The following PHF14 variants were observed in gnomAD, a reference collection of about 807,000 sequenced individuals.
PHF14 encodes PHD finger protein 14.
In PHF14, 55 loss-of-function variants were observed where a neutral mutation model predicts 117.9. The ratio of observed to expected loss-of-function variants is 0.47; its 90% CI spans 0.38 to 0.58. PHF14 has a LOEUF of 0.58. Ranked by LOEUF, PHF14 falls within the 20% of genes least tolerant of loss-of-function variation. PHF14 has a pLI of 0.00. For synonymous variants in PHF14, 409 were observed against 368.6 expected (o/e 1.11, Z -1.26); for missense variants, 978 against 1,122.2 (o/e 0.87, Z 1.84).
intron 16 of PHF14, chr7:11,106,075 G>C: frequency 1.0e-6 from 1 of 983,156 alleles, no homozygotes; most frequent in Non-Finnish European, 1.2e-6. Context: ...CTTCTCTCAT[G>C]CTGTGAAGAG....
At chr7:11,163,750 G>T (rs958251443) in intron 17 of PHF14, among the ~76,000 whole-genome samples, 5 of 152,062 alleles carry the variant, frequency 3.3e-5, no homozygotes, top group African/African-American at 2.4e-5. Flanking sequence ...TTTCTTCATT[G>T]TGCAGCACTA....
At chr7:11,089,079 A>G (rs988172243) in intron 16 of PHF14, among the ~76,000 whole-genome samples, 5 of 151,630 alleles carry the variant, frequency 3.3e-5, no homozygotes, top group African/African-American at 4.9e-5. Flanking sequence ...AGACAGACAC[A>G]AAGATTAATT....
At chr7:10,983,985 A>C (rs1562561098) in intron 3 of PHF14, among the ~76,000 whole-genome samples, 2 of 152,148 alleles carry the variant, frequency 1.3e-5, no homozygotes. Context: ...AGAAAGATTG[A>C]GTTGTTGTCT....
chr7:11,035,276 C>T (rs904594906), intron 7 of PHF14, among the ~76,000 whole-genome samples: 1 of 152,084 alleles, frequency 6.6e-6, no homozygotes, highest in African/African-American at 2.4e-5. Context: ...CACCATTTAA[C>T]ATAAGACGCT....
intron 16 of PHF14, among the ~76,000 whole-genome samples, chr7:11,077,603 A>AAAAG (rs1785914327): frequency 6.6e-6 from 1 of 150,758 alleles, no homozygotes; most frequent in African/African-American, 2.4e-5. Flanking sequence ...CTGTCTTAAA[A>AAAAG]AAAAAAAAAA....
intron 14 of PHF14, among the ~76,000 whole-genome samples, chr7:11,054,594 T>C (rs966891237): frequency 6.6e-6 from 1 of 152,176 alleles, no homozygotes; most frequent in Non-Finnish European, 1.5e-5. Context: ...TTTATCTTTT[T>C]TAATCAATAG....
At chr7:11,133,918 G>GT (rs1674227658) in intron 17 of PHF14, among the ~76,000 whole-genome samples, 1 of 151,994 alleles carries the variant, frequency 6.6e-6, no homozygotes, top group Non-Finnish European at 1.5e-5. Context: ...TTTTATTAAG[G>GT]TAAGGACTAA....
intron 16 of PHF14, among the ~76,000 whole-genome samples, chr7:11,089,578 C>G (rs1183815332): frequency 1.3e-5 from 2 of 152,034 alleles, no homozygotes; most frequent in Non-Finnish European, 2.9e-5. Context: ...ATTCAGAACT[C>G]TGGAAATATT....
intron 4 of PHF14, among the ~76,000 whole-genome samples, chr7:11,003,048 C>T (rs766797980): frequency 5.3e-5 from 8 of 152,070 alleles, no homozygotes; most frequent in Admixed American, 3.3e-4. Context: ...TCAAGGAATT[C>T]TCCTGCCTCA....
Position 11,113,081 on chromosome 7 carries a change from A to AT in PHF14, c.2772+1618dup, listed in dbSNP as rs1343935603. Among the ~76,000 whole-genome samples, 13 of 151,900 alleles carry AT rather than the reference A, an allele frequency of 8.6e-5. 1 individual carries two copies. The highest frequency in any genetic ancestry group is 1.8e-4 in the Non-Finnish European group (12 of 67,962). On this transcript the variant is annotated intron_variant, in intron 17 of 17. Transcript: ENST00000634607. ...TTTTTAAGTGCATTTTTTGTTTGGGATTTTCTCCTACCCCCAGCAAACAAG... is the reference window on the plus strand; with the variant it reads ...TTTTTAAGTGCATTTTTTGTTTGGGATTTTTCTCCTACCCCCAGCAAACAAG...
At chr7:10,995,441 A>G (rs1223504912) in intron 4 of PHF14, among the ~76,000 whole-genome samples, 2 of 152,342 alleles carry the variant, frequency 1.3e-5, no homozygotes, top group East Asian at 3.9e-4. Flanking sequence ...TTAGCTAGAC[A>G]TAAAGGTTCT....
At chr7:11,014,884 C>G (rs1232423235) in intron 5 of PHF14, 1 of 150,776 alleles carries the variant, frequency 6.6e-6, no homozygotes, top group Admixed American at 6.6e-5. Flanking sequence ...TTGCCATCTT[C>G]CATGTTTTTT....
In PHF14 at chr7:11,103,589, TTATACA is replaced by T. The variant is rs2128341860; in HGVS notation, c.2655-7759_2655-7754del. 4 of 983,356 alleles carry T rather than the reference TTATACA, an allele frequency of 4.1e-6. No individual in the cohort carries two copies. In the South Asian group the frequency reaches 1.9e-4, roughly 46 times the overall value. The allele number at this position is 983,356 out of a possible 1,614,324, so 60.9% of individuals were successfully genotyped here. ...ACTCTTTGCTGAAATTGAATTGCACTTATACATGTAAATTGTCAACATGTAATTTGG... is the reference window on the plus strand; with the variant it reads ...ACTCTTTGCTGAAATTGAATTGCACTTGTAAATTGTCAACATGTAATTTGG... On this transcript the variant is annotated intron_variant, in intron 16 of 17. Transcript: ENST00000634607.
intron 2 of PHF14, 31 bp downstream of exon 2, chr7:10,974,976 C>G (rs773178211): frequency 3.6e-6 from 4 of 1,119,352 alleles, no homozygotes; most frequent in Non-Finnish European, 5.3e-6. Context: ...TCCCCTTTCC[C>G]AGCTTTCTGG....
rs975709011 is a variant in PHF14, at chr7:11,153,939, C to CTGTGTGTGTGTGTGTGTGTGTGTG, written c.2773-15469_2773-15468insTGTGTGTGTGTGTGTGTGTGTGTG. Among the ~76,000 whole-genome samples the CTGTGTGTGTGTGTGTGTGTGTGTG allele has an allele frequency of 3.0e-3, 420 of 138,510 alleles. 1 individual carries two copies. The highest frequency in any genetic ancestry group is 0.011 in the African/African-American group (404 of 36,434). The allele number at this position is 138,510 out of a possible 152,430, so 90.9% of individuals were successfully genotyped here. A position where few individuals can be genotyped will look rare whatever the true frequency, so the allele number is the denominator to read the frequency against. ...GCAAGCCTATGAAAGTGGTCCCTGT[C>CTGTGTGTGTGTGTGTGTGTGTGTG]TGTGTGTGCGTGTGTGTGTGTGTGT... On this transcript the variant is annotated intron_variant, in intron 17 of 17. Coordinates refer to ENST00000634607, the MANE Select transcript of PHF14 (RefSeq NM_001007157.2).
At chr7:11,106,301 C>T (rs1787260359) in intron 16 of PHF14, 1 of 974,120 alleles carries the variant, frequency 1.0e-6, no homozygotes, top group Non-Finnish European at 1.2e-6. Context: ...GTCTTTCTTA[C>T]TACCCATTCA....
intron 17 of PHF14, among the ~76,000 whole-genome samples, chr7:11,149,189 G>T (rs1449157218): frequency 8.5e-6 from 1 of 117,016 alleles, no homozygotes; most frequent in Non-Finnish European, 1.7e-5. Context: ...TTTAGGTAAG[G>T]CCATCACAGT....
rs139960909 is a variant in PHF14 at position 11,095,672 on chromosome 7, A to G, written c.2655-15678A>G. Among the ~76,000 whole-genome samples the G allele has an allele frequency of 1.6e-4, 24 of 152,296 alleles. No homozygotes were observed. The East Asian group carries it at 4.6e-3, about 29-fold the overall frequency. ...GGATTTTAAATTGTATTCATTATCT[A>G]CTAAATTGGGAGAAGTGAAAAAAAG... On this transcript the variant is annotated intron_variant, in intron 16 of 17. Transcript: ENST00000634607.
At chr7:11,122,331 T>TTTATATATATA (rs1236770638) in intron 17 of PHF14, among the ~76,000 whole-genome samples, 7 of 84,052 alleles carry the variant, frequency 8.3e-5, no homozygotes, top group African/African-American at 1.2e-4. Flanking sequence ...TTTGTACTTT[T>TTTATATATATA]TATATATATA....
Sources: gnomAD v4.1 joint callset for allele counts (sites outside exome capture counted in the v4.1 genomes callset) on GRCh38, gnomAD v4.1.1 for gene constraint, MANE v1.5 for transcripts, NCBI Gene and HGNC (gene_info 2026-07-23, HGNC 2026-07-21) for gene names.